SLC25A36: variants seen among roughly 807,000 people sequenced by gnomAD.
SLC25A36 encodes the protein epididymis secretory sperm binding protein.
In SLC25A36, 24 loss-of-function variants were observed where a neutral mutation model predicts 35.3. The ratio of observed to expected loss-of-function variants is 0.68; its 90% CI spans 0.49 to 0.96. The LOEUF (loss-of-function observed/expected upper bound fraction) is 0.96. Among genes scored for constraint, SLC25A36 ranks in the 40% least tolerant of loss-of-function variants. The pLI, the probability that SLC25A36 is intolerant of heterozygous loss-of-function variation, is 0.00. For synonymous variants in SLC25A36, 141 were observed against 132.2 expected (o/e 1.07, Z -0.46); for missense variants, 294 against 381.1 (o/e 0.77, Z 1.90).
chr3:140,973,223 A>G (rs1934951042), intron 5 of SLC25A36: 1 of 152,236 alleles, frequency 6.6e-6, no homozygotes, highest in South Asian at 2.1e-4. Flanking sequence ...TTGAAAGAGA[A>G]TCCCTCAGGT....
chr3:140,951,194 CCT>C lies in SLC25A36; in HGVS notation c.42-5328_42-5327del, dbSNP rs550665529. Among the ~76,000 whole-genome samples, 775 of 152,228 alleles carry C rather than the reference CCT, an allele frequency of 5.1e-3. 5 individuals are homozygous for C. The highest frequency in any genetic ancestry group is 0.017 in the African/African-American group (706 of 41,522). On this transcript the variant is annotated intron_variant, in intron 1 of 6. Transcript: ENST00000324194. ...ACTTGCAGCTGCCGATTTCTCTGGGCCTCTCTGTTCTTCTGGCATATTCCTTT... is the reference window on the plus strand; with the variant it reads ...ACTTGCAGCTGCCGATTTCTCTGGGCCTCTGTTCTTCTGGCATATTCCTTT...
At chr3:140,951,823 TTTG>T (rs770723106) in intron 1 of SLC25A36, among the ~76,000 whole-genome samples, 11 of 151,822 alleles carry the variant, frequency 7.2e-5, no homozygotes, top group East Asian at 1.9e-4. Context: ...TTAATTTTGT[TTTG>T]TTGTTGTTGT....
rs1196338118 is a variant in SLC25A36, at chr3:140,980,964, A to G, written c.*4511A>G. ...GATTTCTTAATAGCCTATAGATCCA[A>G]TAAATACAGAGGAATATTAGTTACA... is the stretch of plus-strand genomic sequence containing the variant. On this transcript the variant is annotated 3_prime_UTR_variant, in exon 7 of 7. Transcript: ENST00000324194. 2.0e-5 allele frequency among the ~76,000 whole-genome samples: 3 copies of G among 152,314 alleles called. No individual in the cohort carries two copies. Among genetic ancestry groups the G allele is most frequent in the East Asian group, 3.9e-4 (2 of 5,180 alleles).
chr3:140,959,208 G>GT (rs1934567351), intron 2 of SLC25A36, among the ~76,000 whole-genome samples: 1 of 151,706 alleles, frequency 6.6e-6, no homozygotes, highest in Non-Finnish European at 1.5e-5. Flanking sequence ...TAGCAACGAG[G>GT]TTTTACCAGG....
At position 140,980,694 on chromosome 3, in the gene SLC25A36, G is replaced by A. The variant is rs1340759690; in HGVS notation, c.*4241G>A. On this transcript the variant is annotated 3_prime_UTR_variant, in exon 7 of 7. Transcript: ENST00000324194. The stretch of plus-strand genomic sequence containing the variant: ...CAAAATGTAATTAAATGTTCCCCCT[G>A]CCCCCCCCCCCTTTTAATATATATA... 1.1e-5 allele frequency among the ~76,000 whole-genome samples: 1 copy of A among 93,560 alleles called. No homozygotes were observed. The highest frequency in any genetic ancestry group is 2.2e-5 in the Non-Finnish European group (1 of 45,922). The allele number at this position is 93,560 out of a possible 152,430, so 61.4% of individuals were successfully genotyped here.
At chr3:140,958,119 G>C (rs1934523740) in intron 2 of SLC25A36, among the ~76,000 whole-genome samples, 1 of 151,998 alleles carries the variant, frequency 6.6e-6, no homozygotes. Flanking sequence ...ACCAACGTTG[G>C]GCTTCATATC....
chr3:140,942,154 G>A (rs1034173937), intron 1 of SLC25A36, 59 bp downstream of exon 1: 3 of 326,502 alleles, frequency 9.2e-6, no homozygotes, highest in Non-Finnish European at 1.0e-5. Context: ...GAAGACGCAG[G>A]CGAGGGGGGC....
At chr3:140,976,212 G>T in intron 6 of SLC25A36, 48 bp from the exon 7 acceptor site, 1 of 1,216,402 alleles carries the variant, frequency 8.2e-7, no homozygotes, top group South Asian at 1.5e-5. Context: ...ATAATTAGAA[G>T]AGTGTAAAGA....
rs770075791 is a variant in SLC25A36 at position 140,959,499 on chromosome 3, T to G, written c.243T>G (p.Phe81Leu). The G allele has an allele frequency of 3.3e-6, 5 of 1,516,010 alleles. No individual in the cohort carries two copies. Among genetic ancestry groups the G allele is most frequent in the Non-Finnish European group, 4.4e-6 (5 of 1,142,720 alleles). 93.9% of individuals were successfully genotyped at this position (1,516,010 alleles called of 1,614,324 possible). ...ILEKEGPRSL[F>L]RGLGPNLVGV... ...AAAAAGAAGGGCCTCGTTCCTTGTT[T>G]AGAGGACTAGGCCCCAATTTAGTGG... Residue 81 changes from phenylalanine to leucine, a missense_variant, in exon 3 of 7, where the codon TTT (phenylalanine) becomes TTG (leucine). Coordinates refer to ENST00000324194, the MANE Select transcript of SLC25A36 (RefSeq NM_001104647.3).
chr3:140,950,085 T>A (rs1934278301), intron 1 of SLC25A36, among the ~76,000 whole-genome samples: 1 of 152,216 alleles, frequency 6.6e-6, no homozygotes, highest in Non-Finnish European at 1.5e-5. Flanking sequence ...TGTTTCCTTT[T>A]TCTTTACATC....
intron 1 of SLC25A36, among the ~76,000 whole-genome samples, chr3:140,952,237 C>T (rs919155966): frequency 6.6e-5 from 10 of 152,138 alleles, no homozygotes; most frequent in African/African-American, 2.2e-4. Flanking sequence ...AGGCTGGGCT[C>T]GAATTCCTGA....
intron 1 of SLC25A36, among the ~76,000 whole-genome samples, chr3:140,952,627 G>A (rs1184712978): frequency 6.6e-6 from 1 of 152,102 alleles, no homozygotes; most frequent in African/African-American, 2.4e-5. Context: ...CTTTTTATGT[G>A]CCACTTTACA....
In SLC25A36 at chr3:140,977,517, C is replaced by T. The variant is rs1018682566; in HGVS notation, c.*1064C>T. ...TTTAGCAGGTAGTGACATTAATTGACTTATAGTTTTGTGTAAATGAACAAA... is the reference window on the plus strand; with the variant it reads ...TTTAGCAGGTAGTGACATTAATTGATTTATAGTTTTGTGTAAATGAACAAA... On this transcript the variant is annotated 3_prime_UTR_variant, in exon 7 of 7. Coordinates refer to ENST00000324194, the MANE Select transcript of SLC25A36 (RefSeq NM_001104647.3). 1 of 152,092 alleles carries T rather than the reference C, an allele frequency of 6.6e-6. No homozygotes were observed. Among genetic ancestry groups the T allele is most frequent in the Non-Finnish European group, 1.5e-5 (1 of 68,028 alleles). 9.4% of individuals were successfully genotyped at this position (152,092 alleles called of 1,614,324 possible). A position where few individuals can be genotyped will look rare whatever the true frequency, so the allele number is the denominator to read the frequency against.
At chr3:140,971,576 G>T (rs1211794137) in intron 5 of SLC25A36, among the ~76,000 whole-genome samples, 1 of 152,140 alleles carries the variant, frequency 6.6e-6, no homozygotes, top group African/African-American at 2.4e-5. Context: ...AATAATCAAG[G>T]AAAGGTTTTT....
Position 140,970,961 on chromosome 3 carries a change from G to A in SLC25A36, c.420G>A (p.Trp140Ter). The change falls in exon 5 of 7, where the codon TGG (tryptophan) becomes TGA (stop). Residue 140 changes from tryptophan to a stop codon, truncating the protein, a stop_gained. Coordinates refer to ENST00000324194, the MANE Select transcript of SLC25A36 (RefSeq NM_001104647.3). LOFTEE classifies it high-confidence loss of function. ...FTAITATNPI[W>*]LIKTRLQLDA... is the part of the protein sequence containing the mutation. ...CAATCACAGCAACCAACCCCATTTG[G>A]CTTATAAAGACTCGGTTACAGCTTG... The A allele has an allele frequency of 1.3e-6, 2 of 1,531,198 alleles. No homozygotes were observed. Among genetic ancestry groups the A allele is most frequent in the Admixed American group, 1.7e-5 (1 of 59,666 alleles). The allele number at this position is 1,531,198 out of a possible 1,614,324, so 94.9% of individuals were successfully genotyped here. A position where few individuals can be genotyped will look rare whatever the true frequency, so the allele number is the denominator to read the frequency against.
chr3:140,963,056 G>A, intron 3 of SLC25A36, 71 bp from the exon 4 acceptor site: 1 of 928,014 alleles, frequency 1.1e-6, no homozygotes, highest in Non-Finnish European at 1.6e-6. Flanking sequence ...CTAAAATTAT[G>A]AAGATCAATT....
At chr3:140,965,835 G>C (rs1934744214) in intron 4 of SLC25A36, 1 of 151,538 alleles carries the variant, frequency 6.6e-6, no homozygotes, top group Non-Finnish European at 1.5e-5. Flanking sequence ...GAGGGTATCT[G>C]TTTTGTTGCC....
Position 140,978,879 on chromosome 3 carries a change from T to A in SLC25A36, c.*2426T>A, listed in dbSNP as rs1215276301. Reference sequence around the variant, plus strand: ...CTCTGAAATATTTCTTTGAAGTTTTTAAAAAATCGACTCATGTTTAAAAAC... The same window carrying A: ...CTCTGAAATATTTCTTTGAAGTTTTAAAAAAATCGACTCATGTTTAAAAAC... On this transcript the variant is annotated 3_prime_UTR_variant, in exon 7 of 7. Transcript: ENST00000324194. The A allele has an allele frequency of 6.6e-6, 1 of 152,006 alleles. No homozygotes were observed. The highest frequency in any genetic ancestry group is 1.5e-5 in the Non-Finnish European group (1 of 68,006). The allele number at this position is 152,006 out of a possible 1,614,324, so 9.4% of individuals were successfully genotyped here. A position where few individuals can be genotyped will look rare whatever the true frequency, so the allele number is the denominator to read the frequency against.
intron 3 of SLC25A36, among the ~76,000 whole-genome samples, chr3:140,962,059 G>A (rs765124552): frequency 1.4e-4 from 22 of 151,778 alleles, no homozygotes; most frequent in Middle Eastern, 3.2e-3. Flanking sequence ...TATCTCTCCT[G>A]TGAATTGCCT....
Sources: allele counts gnomAD v4.1 joint callset (sites outside exome capture counted in the v4.1 genomes callset), GRCh38; gene constraint gnomAD v4.1.1; transcripts MANE v1.5; gene names NCBI Gene and HGNC (gene_info 2026-07-23, HGNC 2026-07-21).